Variants in MAP4K3 observed in about 807,000 individuals in gnomAD.
MAP4K3 encodes the protein mitogen-activated protein kinase kinase kinase kinase 3.
In MAP4K3, 94 loss-of-function variants were observed where a neutral mutation model predicts 143.5. That is an observed-to-expected ratio of 0.65 (90% CI 0.55 to 0.78). The LOEUF (loss-of-function observed/expected upper bound fraction) is 0.78. Ranked by LOEUF, MAP4K3 falls within the 30% of genes least tolerant of loss-of-function variation. The pLI, the probability that MAP4K3 is intolerant of heterozygous loss-of-function variation, is 0.00. For missense variants in MAP4K3, 1,077 were observed against 1,068.1 expected, an observed-to-expected ratio of 1.01 and a Z score of -0.12; for synonymous variants, 416 against 347.2, an observed-to-expected ratio of 1.20 and a Z score of -2.20.
chr2:39,383,266 C>T (rs193094924), intron 1 of MAP4K3, among the ~76,000 whole-genome samples: 4 of 152,184 alleles, frequency 2.6e-5, no homozygotes, highest in African/African-American at 7.2e-5. Context: ...ACAAGCAAGG[C>T]AAAAGGGGAA....
At chr2:39,293,463 C>T (rs1222372309) in intron 16 of MAP4K3, among the ~76,000 whole-genome samples, 195 bp from the exon 17 acceptor site, 1 of 152,022 alleles carries the variant, frequency 6.6e-6, no homozygotes, top group Non-Finnish European at 1.5e-5. Flanking sequence ...CTCTATTTTC[C>T]TGTTGCCAAT....
chr2:39,367,602 TAAAA>T (rs537771261), intron 2 of MAP4K3, among the ~76,000 whole-genome samples: 1 of 149,778 alleles, frequency 6.7e-6, no homozygotes, highest in East Asian at 2.0e-4. Context: ...CCTGGCTCCC[TAAAA>T]AAAAAGTCTT....
At chr2:39,263,358 C>T (rs1240344893) in intron 28 of MAP4K3, among the ~76,000 whole-genome samples, 4 of 149,938 alleles carry the variant, frequency 2.7e-5, no homozygotes, top group Admixed American at 6.6e-5. Context: ...CTGCAAGCTC[C>T]GCCTCCCGGG....
chr2:39,364,479 C>A (rs1430745677), intron 2 of MAP4K3, among the ~76,000 whole-genome samples: 2 of 152,066 alleles, frequency 1.3e-5, no homozygotes, highest in Non-Finnish European at 2.9e-5. Context: ...TATGAATGAC[C>A]AGTGGTCTGT....
chr2:39,330,909 G>A (rs1175135066), intron 8 of MAP4K3, among the ~76,000 whole-genome samples: 1 of 152,146 alleles, frequency 6.6e-6, no homozygotes, highest in Non-Finnish European at 1.5e-5. Flanking sequence ...TAAGATGATT[G>A]AAAGATGAAT....
At chr2:39,394,330 G>A (rs190702225) in intron 1 of MAP4K3, among the ~76,000 whole-genome samples, 2 of 152,280 alleles carry the variant, frequency 1.3e-5, no homozygotes, top group Admixed American at 6.5e-5. Flanking sequence ...CTAAGGACAC[G>A]TTGCACTACA....
At chr2:39,284,015 A>G (rs1273617848) in intron 21 of MAP4K3, among the ~76,000 whole-genome samples, 3 of 152,200 alleles carry the variant, frequency 2.0e-5, no homozygotes, top group Admixed American at 1.3e-4. Context: ...CTTTGTAGAT[A>G]TATTTTTGAG....
At position 39,358,595 on chromosome 2, in the gene MAP4K3, T is replaced by G. The variant is rs543664572; in HGVS notation, c.155-2256A>C. 1.1e-3 allele frequency among the ~76,000 whole-genome samples: 165 copies of G among 152,304 alleles called. 3 individuals are homozygous for G. Among genetic ancestry groups the G allele is most frequent in the African/African-American group, 3.9e-3 (161 of 41,558 alleles). ...TTTGTACTATTAAGTCAACTCTATG[T>G]GATTGTGAGAATGGTCAAATTAAAT... On this transcript the variant is annotated intron_variant, in intron 2 of 33. Transcript: ENST00000263881.
chr2:39,273,258 C>A (rs1681106083), intron 24 of MAP4K3, among the ~76,000 whole-genome samples: 1 of 152,074 alleles, frequency 6.6e-6, no homozygotes. Context: ...GGTCCTTGGA[C>A]CAGCAGCTTC....
rs145394871 is a variant in MAP4K3 at position 39,400,887 on chromosome 2, A to G, written c.97-22764T>C. On this transcript the variant is annotated intron_variant, in intron 1 of 33. Transcript: ENST00000263881. ...AAAGCTTTAAAAATGAACAAAACAT[A>G]TAACACTTAGTCTTTAGACATGAAA... is the stretch of plus-strand genomic sequence containing the variant. 3.2e-3 allele frequency among the ~76,000 whole-genome samples: 481 copies of G among 152,304 alleles called. 1 individual carries two copies. The highest frequency in any genetic ancestry group is 4.4e-3 in the Non-Finnish European group (298 of 68,014).
At chr2:39,258,018 C>A (rs1398199467) in intron 31 of MAP4K3, among the ~76,000 whole-genome samples, 20 of 151,962 alleles carry the variant, frequency 1.3e-4, no homozygotes, top group African/African-American at 4.3e-4. Flanking sequence ...TGCAACCTCC[C>A]CTTCCCAGGT....
At chr2:39,284,427 T>C (rs1007963319) in intron 21 of MAP4K3, among the ~76,000 whole-genome samples, 2 of 152,116 alleles carry the variant, frequency 1.3e-5, no homozygotes, top group African/African-American at 2.4e-5. Context: ...TCCCAAAGTG[T>C]ACGGATTATA....
intron 21 of MAP4K3, among the ~76,000 whole-genome samples, chr2:39,283,462 T>A (rs1346128892): frequency 2.0e-5 from 3 of 152,356 alleles, no homozygotes; most frequent in East Asian, 1.9e-4. Flanking sequence ...CCATTTTTTT[T>A]AACTGAGTTA....
chr2:39,299,788 T>C lies in MAP4K3; in HGVS notation c.1133A>G (p.Glu378Gly). Residue 378 changes from glutamate (E) to glycine (G), a missense_variant, in exon 16 of 34, where the codon GAA becomes GGA. By Grantham distance (98) the Glu-to-Gly change is moderately conservative. This residue lies in a region of MAP4K3 where 864 missense variants were observed against 801.2 expected (regional missense o/e 1.08). Transcript: ENST00000263881. ...ACCACCTTGGTGTCCTTGTCCATAT[T>C]CCAGTTGCAGATCCTAATAGTACAA... is the stretch of plus-strand genomic sequence containing the variant. ...TARSNLDLQL[E>G]YGQGHQGGYF... is the part of the protein sequence containing the mutation. 1 of 1,573,718 alleles carries C rather than the reference T, an allele frequency of 6.4e-7. No homozygotes were observed. Among genetic ancestry groups the C allele is most frequent in the Non-Finnish European group, 8.6e-7 (1 of 1,160,374 alleles).
chr2:39,403,184 A>G (rs1188827588), intron 1 of MAP4K3, among the ~76,000 whole-genome samples: 1 of 152,224 alleles, frequency 6.6e-6, no homozygotes, highest in Admixed American at 6.5e-5. Flanking sequence ...ATAGGGGCAG[A>G]GCAAGAGGGC....
At chr2:39,265,457 T>C (rs1048380719) in intron 27 of MAP4K3, 151 bp from the exon 28 acceptor site, 10 of 673,198 alleles carry the variant, frequency 1.5e-5, no homozygotes, top group Non-Finnish European at 2.4e-5. Flanking sequence ...ATTAGAGGGC[T>C]GGGTGAAAAA....
At chr2:39,314,762 AT>A (rs1304180687) in intron 13 of MAP4K3, among the ~76,000 whole-genome samples, 1 of 152,204 alleles carries the variant, frequency 6.6e-6, no homozygotes, top group Non-Finnish European at 1.5e-5. Flanking sequence ...CCCCTAAGAA[AT>A]AACTGGAGGC....
At chr2:39,357,801 G>A (rs1160280253) in intron 2 of MAP4K3, among the ~76,000 whole-genome samples, 1 of 152,128 alleles carries the variant, frequency 6.6e-6, no homozygotes, top group Non-Finnish European at 1.5e-5. Context: ...AGGTATACTA[G>A]GTACTTTGGA....
Position 39,293,283 on chromosome 2 carries a change from C to G in MAP4K3, c.1179-15G>C, listed in dbSNP as rs1558627807. The stretch of plus-strand genomic sequence containing the variant: ...TGAGAAGACTCCTTAAAAGAAAAAA[C>G]AAAAACAAAAAATAATGTGAATAAA... On this transcript the variant is annotated splice_polypyrimidine_tract_variant and intron_variant, in intron 16 of 33. Coordinates refer to ENST00000263881, the MANE Select transcript of MAP4K3 (RefSeq NM_003618.4). 1.4e-6 allele frequency: 2 copies of G among 1,452,464 alleles called. No individual in the cohort carries two copies. The highest frequency in any genetic ancestry group is 1.9e-6 in the Non-Finnish European group (2 of 1,065,374). 90.0% of individuals were successfully genotyped at this position (1,452,464 alleles called of 1,614,324 possible). A position where few individuals can be genotyped will look rare whatever the true frequency, so the allele number is the denominator to read the frequency against.
Sources: allele counts gnomAD v4.1 joint callset (sites outside exome capture counted in the v4.1 genomes callset), GRCh38; gene constraint gnomAD v4.1.1; regional missense constraint gnomAD v4.1.1; transcripts MANE v1.5; gene names NCBI Gene and HGNC (gene_info 2026-07-23, HGNC 2026-07-21).